The following CBLB variants were observed in gnomAD, a reference collection of about 807,000 sequenced individuals.
CBLB encodes E3 ubiquitin-protein ligase CBL-B.
In CBLB, 31 loss-of-function variants were observed where a neutral mutation model predicts 104.9. The ratio of observed to expected loss-of-function variants is 0.30; its 90% CI spans 0.22 to 0.40. CBLB has a LOEUF of 0.40. CBLB is among the 10% of genes least tolerant of loss of function. The probability of loss-of-function intolerance (pLI) is 1.00; values close to 1 mark genes in which losing one functional copy is unlikely to be tolerated. For synonymous variants in CBLB, 440 were observed against 422.6 expected, an observed-to-expected ratio of 1.04 and a Z score of -0.51; for missense variants, 1,062 against 1,214.6, an observed-to-expected ratio of 0.87 and a Z score of 1.87.
intron 18 of CBLB, among the ~76,000 whole-genome samples, chr3:105,663,736 G>A (rs1315471162): frequency 6.6e-6 from 1 of 152,026 alleles, no homozygotes; most frequent in Non-Finnish European, 1.5e-5. Context: ...CATTCTAGAC[G>A]GGGGCAATCA....
At chr3:105,712,393 G>A (rs1180199346) in intron 10 of CBLB, among the ~76,000 whole-genome samples, 1 of 152,048 alleles carries the variant, frequency 6.6e-6, no homozygotes, top group Non-Finnish European at 1.5e-5. Flanking sequence ...AACCAATTTT[G>A]AGAAGGCAGG....
chr3:105,868,681 G>C (rs1035853190), intron 1 of CBLB, 55 bp downstream of exon 1: 1 of 991,252 alleles, frequency 1.0e-6, no homozygotes, highest in Non-Finnish European at 1.2e-6. Flanking sequence ...GCTACCCCGG[G>C]CCCCCGGGCC....
At chr3:105,776,343 TACAGTA>T in intron 4 of CBLB, 47 bp downstream of exon 4, 1 of 1,503,922 alleles carries the variant, frequency 6.6e-7, no homozygotes, top group Non-Finnish European at 9.2e-7. Flanking sequence ...GGAGGGAGGA[TACAGTA>T]ACCCTTGAAA....
intron 9 of CBLB, among the ~76,000 whole-genome samples, chr3:105,733,153 C>T (rs1268123911): frequency 1.3e-5 from 2 of 151,842 alleles, no homozygotes; most frequent in Admixed American, 6.6e-5. Context: ...GTCAGGAGAT[C>T]GAGACCATCC....
chr3:105,716,129 T>A (rs976314575), intron 10 of CBLB, among the ~76,000 whole-genome samples: 1 of 152,136 alleles, frequency 6.6e-6, no homozygotes, highest in Non-Finnish European at 1.5e-5. Context: ...AAGAATGATT[T>A]AAAAAACAGA....
At chr3:105,675,431 T>A (rs1212642411) in intron 17 of CBLB, among the ~76,000 whole-genome samples, 1 of 152,234 alleles carries the variant, frequency 6.6e-6, no homozygotes, top group Non-Finnish European at 1.5e-5. Context: ...ATGTATTAAA[T>A]ACTTTGCAAA....
intron 7 of CBLB, among the ~76,000 whole-genome samples, chr3:105,738,780 G>A (rs1481282795): frequency 6.6e-6 from 1 of 151,880 alleles, no homozygotes; most frequent in Admixed American, 6.6e-5. Context: ...TTAGAAGAAA[G>A]GTATAAATAA....
intron 13 of CBLB, among the ~76,000 whole-genome samples, chr3:105,688,096 TG>T (rs1309450276): frequency 6.6e-6 from 1 of 152,088 alleles, no homozygotes. Context: ...TTCTATCTTA[TG>T]GGGCATGGGA....
rs567759270 is a variant in CBLB, at chr3:105,750,229, T to G, written c.723+1233A>C. Among the ~76,000 whole-genome samples the G allele has an allele frequency of 4.3e-4, 66 of 152,118 alleles. 1 individual carries two copies. In the South Asian group the frequency reaches 0.013, roughly 31 times the overall value. On this transcript the variant is annotated intron_variant, in intron 5 of 18. Coordinates refer to ENST00000394030, the MANE Select transcript of CBLB (RefSeq NM_170662.5). ...GAGGCGGGGTTTCACATCCTATATG[T>G]ACTGTTGACAGGAGTTAATCTCTCT...
chr3:105,698,950 G>A (rs1174032249), intron 12 of CBLB, among the ~76,000 whole-genome samples: 1 of 151,968 alleles, frequency 6.6e-6, no homozygotes, highest in Non-Finnish European at 1.5e-5. Context: ...ATAAAAACCT[G>A]TCCCTTTGTA....
intron 18 of CBLB, among the ~76,000 whole-genome samples, chr3:105,663,613 C>T (rs1244271424): frequency 1.3e-5 from 2 of 152,084 alleles, no homozygotes; most frequent in African/African-American, 2.4e-5. Flanking sequence ...GAGTTGATCA[C>T]GACCCTCATT....
rs537913867 is a variant in CBLB, at chr3:105,777,358, T to C, written c.420-816A>G. On this transcript the variant is annotated intron_variant, in intron 3 of 18. Transcript: ENST00000394030. ...TGCTATAAGAAATGGAGAGTCAGGC[T>C]AGGTGTGGTGACTCACCCCTGTAAT... is the stretch of plus-strand genomic sequence containing the variant. Among the ~76,000 whole-genome samples, 21 of 152,308 alleles carry C rather than the reference T, an allele frequency of 1.4e-4. No individual in the cohort carries two copies. The South Asian group carries it at 2.1e-3, about 15-fold the overall frequency.
chr3:105,828,986 G>A (rs1264641204), intron 3 of CBLB, among the ~76,000 whole-genome samples: 1 of 151,232 alleles, frequency 6.6e-6, no homozygotes, highest in East Asian at 1.9e-4. Context: ...TTCTAGACCA[G>A]AATATTTAAC....
intron 3 of CBLB, among the ~76,000 whole-genome samples, chr3:105,829,666 CAAAAAAAAAAAAAAAAAAAA>C (rs71627689): frequency 3.2e-4 from 15 of 47,026 alleles, no homozygotes; most frequent in Admixed American, 9.1e-4. Context: ...AAGACCGTCC[CAAAAAAAAAAAAAAAAAAAA>C]AAAAAAAAAA....
chr3:105,856,068 T>C (rs993700947), intron 2 of CBLB, among the ~76,000 whole-genome samples: 39 of 151,914 alleles, frequency 2.6e-4, no homozygotes, highest in African/African-American at 8.9e-4. Context: ...CTTAAAGAAA[T>C]TGGCCAGGCG....
intron 3 of CBLB, among the ~76,000 whole-genome samples, chr3:105,789,497 T>C (rs1318877244): frequency 6.6e-6 from 1 of 152,210 alleles, no homozygotes; most frequent in Non-Finnish European, 1.5e-5. Flanking sequence ...AGGAATTTAC[T>C]GCAATTAATT....
intron 18 of CBLB, among the ~76,000 whole-genome samples, chr3:105,667,937 C>A (rs2064654884): frequency 6.6e-6 from 1 of 152,188 alleles, no homozygotes. Context: ...CATATGCATT[C>A]AGTCTCAAGG....
Position 105,740,514 on chromosome 3 carries a change from A to T in CBLB, c.963T>A (p.Ile321=). 2 of 1,614,074 alleles carry T rather than the reference A, an allele frequency of 1.2e-6. No individual in the cohort carries two copies. The highest frequency in any genetic ancestry group is 1.7e-6 in the Non-Finnish European group (2 of 1,179,952). ...PHNKPLFQAL[I]DGSREGFYLY... ...CTTACAATCCTTCCCTGCTGCCATC[A>T]ATCAGGGCTTGAAATAAGGGCTTGT... The change falls in exon 7 of 19, where the codon ATT becomes ATA. Residue 321 remains isoleucine, a synonymous_variant. Transcript: ENST00000394030.
chr3:105,701,504 T>C (rs1430296956), intron 12 of CBLB, among the ~76,000 whole-genome samples: 1 of 152,230 alleles, frequency 6.6e-6, no homozygotes, highest in Non-Finnish European at 1.5e-5. Context: ...GGCTCATGCC[T>C]GTAATCCCAG....
Sources: allele counts gnomAD v4.1 joint callset (sites outside exome capture counted in the v4.1 genomes callset), GRCh38; gene constraint gnomAD v4.1.1; transcripts MANE v1.5; gene names NCBI Gene and HGNC (gene_info 2026-07-23, HGNC 2026-07-21).